Variants in PDE1C observed in about 807,000 individuals in gnomAD.
The protein encoded by PDE1C is dual specificity calcium/calmodulin-dependent 3',5'-cyclic nucleotide phosphodiesterase 1C.
A neutral mutation model predicts 93.1 loss-of-function variants in PDE1C; 62 were observed. That is an observed-to-expected ratio of 0.67 (90% confidence interval 0.54 to 0.82). The LOEUF (loss-of-function observed/expected upper bound fraction) is 0.82, where lower values mean the gene tolerates loss of function less well. Ranked by LOEUF, PDE1C falls within the 40% of genes least tolerant of loss-of-function variation. PDE1C has a pLI of 0.00. For missense variants in PDE1C, 742 were observed against 884.6 expected (o/e 0.84, Z 2.04); for synonymous variants, 325 against 310.1 (o/e 1.05, Z -0.50).
At chr7:32,343,571 C>T (rs1029147888) in intron 1 of PDE1C, among the ~76,000 whole-genome samples, 1 of 152,208 alleles carries the variant, frequency 6.6e-6, no homozygotes, top group Non-Finnish European at 1.5e-5. Context: ...ATCCATATTA[C>T]TCCGACAACT....
At chr7:32,047,509 A>G (rs987917741) in intron 2 of PDE1C, among the ~76,000 whole-genome samples, 1 of 152,144 alleles carries the variant, frequency 6.6e-6, no homozygotes, top group African/African-American at 2.4e-5. Flanking sequence ...GACTTATGAA[A>G]TCACTCTTTC....
chr7:32,410,728 G>C (rs183066236), intron 1 of PDE1C, among the ~76,000 whole-genome samples: 7 of 152,092 alleles, frequency 4.6e-5, no homozygotes, highest in Non-Finnish European at 8.8e-5. Context: ...TCCGCTTCCC[G>C]GACAGTGGCT....
the PDE1C span, among the ~76,000 whole-genome samples, chr7:31,689,075 T>A: frequency 6.6e-6 from 1 of 152,188 alleles, no homozygotes; most frequent in Non-Finnish European, 1.5e-5. Context: ...TTGAGACCCC[T>A]CTAGAGCTGT....
chr7:31,863,527 T>C (rs1794919596), intron 7 of PDE1C, among the ~76,000 whole-genome samples: 1 of 152,224 alleles, frequency 6.6e-6, no homozygotes, highest in South Asian at 2.1e-4. Context: ...TCTAAATGTT[T>C]GGTAAAAATC....
intron 2 of PDE1C, among the ~76,000 whole-genome samples, chr7:32,016,946 G>C (rs1787989977): frequency 6.6e-6 from 1 of 152,174 alleles, no homozygotes; most frequent in African/African-American, 2.4e-5. Flanking sequence ...TAGTCAGGTT[G>C]CCTGAGTTCG....
intron 1 of PDE1C, among the ~76,000 whole-genome samples, chr7:32,424,089 G>A (rs150472106): frequency 8.8e-4 from 134 of 152,248 alleles, no homozygotes; most frequent in Non-Finnish European, 1.5e-3. Context: ...ATGTGGTAAG[G>A]TGCTCCCTCT....
intron 6 of PDE1C, among the ~76,000 whole-genome samples, chr7:31,869,806 G>A (rs896056234): frequency 6.6e-6 from 1 of 152,012 alleles, no homozygotes; most frequent in Non-Finnish European, 1.5e-5. Context: ...AACAGCTACA[G>A]AACACAAATT....
intron 1 of PDE1C, among the ~76,000 whole-genome samples, chr7:32,318,041 T>G (rs1689201051): frequency 6.6e-6 from 1 of 152,198 alleles, no homozygotes; most frequent in African/African-American, 2.4e-5. Flanking sequence ...TTAGCTCTGG[T>G]GCCAGCACCA....
At chr7:32,326,819 C>A (rs1453648924) in intron 1 of PDE1C, among the ~76,000 whole-genome samples, 4 of 152,060 alleles carry the variant, frequency 2.6e-5, no homozygotes, top group African/African-American at 9.7e-5. Flanking sequence ...AAGGTGGCAG[C>A]AATAACAGCA....
chr7:32,283,305 A>G (rs1811793284), intron 1 of PDE1C, among the ~76,000 whole-genome samples: 1 of 152,230 alleles, frequency 6.6e-6, no homozygotes, highest in African/African-American at 2.4e-5. Flanking sequence ...ATTTGAAAAA[A>G]TAGTAATAAA....
chr7:31,800,988 T>C (rs958157438), intron 16 of PDE1C, among the ~76,000 whole-genome samples: 4 of 151,052 alleles, frequency 2.6e-5, no homozygotes, highest in African/African-American at 9.7e-5. Flanking sequence ...GTTTGGATCA[T>C]GATGCTAAAG....
chr7:31,618,898 T>C, the PDE1C span, among the ~76,000 whole-genome samples: 13 of 152,310 alleles, frequency 8.5e-5, no homozygotes, highest in South Asian at 2.7e-3. Context: ...TTGCATGTTA[T>C]AAGAAGCCAA....
intron 2 of PDE1C, among the ~76,000 whole-genome samples, chr7:32,196,432 G>C (rs962665050): frequency 2.0e-5 from 3 of 151,898 alleles, no homozygotes; most frequent in African/African-American, 7.3e-5. Context: ...TTTTCAGCTC[G>C]AAGTCTATGG....
chr7:31,777,495 AT>A (rs1365543504), intron 16 of PDE1C, among the ~76,000 whole-genome samples: 1 of 151,826 alleles, frequency 6.6e-6, no homozygotes, highest in African/African-American at 2.4e-5. Flanking sequence ...TGCCTGGCTA[AT>A]TTTTGTAGTT....
At chr7:31,802,074 C>A (rs944734268) in intron 16 of PDE1C, among the ~76,000 whole-genome samples, 3 of 151,476 alleles carry the variant, frequency 2.0e-5, no homozygotes, top group African/African-American at 7.3e-5. Flanking sequence ...AACGTGATAA[C>A]TGATTTGCTT....
At chr7:31,693,743 C>G in the PDE1C span, among the ~76,000 whole-genome samples, 1 of 152,098 alleles carries the variant, frequency 6.6e-6, no homozygotes. Context: ...TAATCCTCAA[C>G]ATTTTAAGGA....
At chr7:32,246,584 A>C (rs1450237990) in intron 1 of PDE1C, among the ~76,000 whole-genome samples, 1 of 152,172 alleles carries the variant, frequency 6.6e-6, no homozygotes, top group Non-Finnish European at 1.5e-5. Flanking sequence ...GAATGTGAGA[A>C]CATGGAAATA....
intron 1 of PDE1C, among the ~76,000 whole-genome samples, chr7:32,420,559 A>G (rs1376955562): frequency 6.7e-6 from 1 of 150,066 alleles, no homozygotes; most frequent in Non-Finnish European, 1.5e-5. Context: ...ATCTCAAAAA[A>G]AAAAGGGGGG....
At chr7:32,104,620 T>G (rs1256944632) in intron 3 of PDE1C, among the ~76,000 whole-genome samples, 1 of 152,074 alleles carries the variant, frequency 6.6e-6, no homozygotes, top group Non-Finnish European at 1.5e-5. Context: ...TGGAGGCCAA[T>G]GGATAATGTA....
Sources: gnomAD v4.1 joint callset for allele counts (sites outside exome capture counted in the v4.1 genomes callset) on GRCh38, gnomAD v4.1.1 for gene constraint, MANE v1.5 for transcripts, NCBI Gene and HGNC (gene_info 2026-07-23, HGNC 2026-07-21) for gene names.